PCDHA13: variants seen among roughly 807,000 people sequenced by gnomAD.
PCDHA13 encodes protocadherin alpha 13.
PCDHA13 carries 54 observed loss-of-function variants against 64.8 expected under a neutral mutation model. The observed-to-expected ratio is 0.83, with a 90% CI of 0.67 to 1.04. The LOEUF is 1.04. Ranked by LOEUF, PCDHA13 falls within the 50% of genes least tolerant of loss-of-function variation. PCDHA13 has a pLI of 0.00. For synonymous variants in PCDHA13, 587 were observed against 564.4 expected (o/e 1.04, Z -0.57); for missense variants, 1,248 against 1,254.3 (o/e 0.99, Z 0.08).
chr5:140,918,032 A>G (rs528006913), intron 1 of PCDHA13, among the ~76,000 whole-genome samples: 2 of 152,224 alleles, frequency 1.3e-5, no homozygotes, highest in East Asian at 1.9e-4. Context: ...TGAGCGTGGA[A>G]GGTCTTTCCA....
At chr5:140,936,552 T>C (rs1408956922) in intron 1 of PCDHA13, among the ~76,000 whole-genome samples, 5 of 152,234 alleles carry the variant, frequency 3.3e-5, no homozygotes, top group Admixed American at 3.3e-4. Flanking sequence ...AATGTAGAAG[T>C]CAAGATTTAT....
chr5:140,898,593 C>A (rs1236439193), intron 1 of PCDHA13, among the ~76,000 whole-genome samples: 13 of 152,146 alleles, frequency 8.5e-5, no homozygotes, highest in Admixed American at 1.3e-4. Flanking sequence ...GTTACTGTAG[C>A]CTTGTAGTAT....
intron 1 of PCDHA13, among the ~76,000 whole-genome samples, chr5:140,953,720 G>C (rs2094928996): frequency 6.6e-6 from 1 of 152,068 alleles, no homozygotes; most frequent in African/African-American, 2.4e-5. Flanking sequence ...CAGACATTGT[G>C]TTTTGAAATT....
intron 3 of PCDHA13, among the ~76,000 whole-genome samples, chr5:140,999,978 G>A (rs980753359): frequency 5.9e-5 from 9 of 151,942 alleles, no homozygotes; most frequent in South Asian, 2.1e-4. Flanking sequence ...CAGCTCTAGC[G>A]GCCTCTGGGT....
intron 1 of PCDHA13, chr5:140,928,805 T>C (rs1554206331): frequency 6.2e-7 from 1 of 1,614,162 alleles, no homozygotes. Context: ...GTGGTAGTGG[T>C]TCGGGACCAT....
At position 140,883,551 on chromosome 5, in the gene PCDHA13, G is replaced by T; in HGVS notation, c.1283G>T (p.Arg428Leu). The T allele has an allele frequency of 2.5e-6, 4 of 1,614,234 alleles. No homozygotes were observed. The highest frequency in any genetic ancestry group is 3.4e-6 in the Non-Finnish European group (4 of 1,180,048). Residue 428 changes from arginine to leucine, a missense_variant, in exon 1 of 4, where the codon CGG (arginine) becomes CTG (leucine). Physicochemically the swap from Arg to Leu is moderately radical, Grantham distance 102. Coordinates refer to ENST00000289272, the MANE Select transcript of PCDHA13 (RefSeq NM_018904.3). ...VSAYELVVTA[R>L]DGGSPSLWAT... ...GCCTATGAACTGGTGGTGACCGCGC[G>T]GGACGGGGGCTCGCCTTCGCTGTGG...
At chr5:140,905,182 A>C (rs1283931938) in intron 1 of PCDHA13, among the ~76,000 whole-genome samples, 1 of 152,172 alleles carries the variant, frequency 6.6e-6, no homozygotes. Context: ...TTTAGATTTA[A>C]GTCTTTGATC....
intron 3 of PCDHA13, among the ~76,000 whole-genome samples, chr5:140,988,308 G>A (rs75602297): frequency 6.6e-6 from 1 of 152,298 alleles, no homozygotes; most frequent in East Asian, 1.9e-4. Flanking sequence ...TGCCAGCTTG[G>A]CTTGGCTTTC....
chr5:140,883,519 C>A lies in PCDHA13; in HGVS notation c.1251C>A (p.Ser417Arg). The change falls in exon 1 of 4, where the codon AGC becomes AGA. Residue 417 changes from serine (S) to arginine (R), a missense_variant. Ser to Arg is a moderately radical substitution (Grantham distance 110). Coordinates refer to ENST00000289272, the MANE Select transcript of PCDHA13 (RefSeq NM_018904.3). ...TGGACAGCGCCCTGGACCGCGAGAG[C>A]GTATCAGCCTATGAACTGGTGGTGA... ...LVLDSALDRE[S>R]VSAYELVVTA... is the part of the protein sequence containing the mutation. 1 of 1,614,190 alleles carries A rather than the reference C, an allele frequency of 6.2e-7. No individual in the cohort carries two copies. The highest frequency in any genetic ancestry group is 8.5e-7 in the Non-Finnish European group (1 of 1,180,038).
At chr5:140,911,564 C>A (rs1036102678) in intron 1 of PCDHA13, among the ~76,000 whole-genome samples, 2 of 152,226 alleles carry the variant, frequency 1.3e-5, no homozygotes, top group African/African-American at 4.8e-5. Flanking sequence ...TCTTTCATCA[C>A]TTTGTCCAGT....
chr5:140,969,123 C>G, intron 1 of PCDHA13: 1 of 1,614,172 alleles, frequency 6.2e-7, no homozygotes, highest in Non-Finnish European at 8.5e-7. Flanking sequence ...GGGAATGGCT[C>G]CCTCACCAAG....
chr5:140,887,245 C>T (rs1200820177), intron 1 of PCDHA13, among the ~76,000 whole-genome samples: 2 of 151,924 alleles, frequency 1.3e-5, no homozygotes, highest in East Asian at 1.9e-4. Context: ...TACCGGCGCC[C>T]GCCACCACGC....
At chr5:140,914,710 G>GT (rs1554196543) in intron 1 of PCDHA13, among the ~76,000 whole-genome samples, 1 of 151,256 alleles carries the variant, frequency 6.6e-6, no homozygotes, top group Non-Finnish European at 1.5e-5. Context: ...TTAATTTCTT[G>GT]TTTTTTATTT....
chr5:140,884,168 A>G lies in PCDHA13; in HGVS notation c.1900A>G (p.Thr634Ala), dbSNP rs1562800814. 6.2e-7 allele frequency: 1 copy of G among 1,613,300 alleles called. No individual in the cohort carries two copies. Among genetic ancestry groups the G allele is most frequent in the South Asian group, 1.1e-5 (1 of 91,046 alleles). ...GCTGTACACTGGCGAGATCAGCACG[A>G]CGCGCCCTCTGGACGAGGTGGACGC... Reference protein sequence around the residue: ...VGLYTGEISTTRPLDEVDAPH... With the variant: ...VGLYTGEISTARPLDEVDAPH... Residue 634 changes from threonine (T) to alanine (A), a missense_variant, in exon 1 of 4, where the codon ACG (threonine) becomes GCG (alanine). Coordinates refer to ENST00000289272, the MANE Select transcript of PCDHA13 (RefSeq NM_018904.3).
intron 1 of PCDHA13, among the ~76,000 whole-genome samples, chr5:140,917,832 C>T (rs1554198323): frequency 1.3e-5 from 2 of 151,488 alleles, no homozygotes; most frequent in Admixed American, 6.6e-5. Context: ...AGTGTGATGT[C>T]CTTCTTGTTC....
chr5:140,967,665 C>A, intron 1 of PCDHA13: 1 of 1,614,154 alleles, frequency 6.2e-7, no homozygotes, highest in Non-Finnish European at 8.5e-7. Context: ...AGCAGCTACA[C>A]GTCGGACCGG....
chr5:140,959,382 A>C (rs1332960560), intron 1 of PCDHA13, among the ~76,000 whole-genome samples: 1 of 152,200 alleles, frequency 6.6e-6, no homozygotes, highest in African/African-American at 2.4e-5. Flanking sequence ...TCAAAAAAAA[A>C]AGTCACAAAT....
chr5:140,894,724 C>T (rs1322007306), intron 1 of PCDHA13, among the ~76,000 whole-genome samples: 7 of 151,784 alleles, frequency 4.6e-5, no homozygotes, highest in African/African-American at 9.7e-5. Context: ...TCAAATATTA[C>T]GTAGCAATTT....
At chr5:140,913,348 C>A (rs1233529642) in intron 1 of PCDHA13, among the ~76,000 whole-genome samples, 1 of 152,080 alleles carries the variant, frequency 6.6e-6, no homozygotes, top group East Asian at 1.9e-4. Context: ...TCCATTTCCT[C>A]TAGATTTTTA....
Sources: gnomAD v4.1 joint callset for allele counts (sites outside exome capture counted in the v4.1 genomes callset) on GRCh38, gnomAD v4.1.1 for gene constraint, MANE v1.5 for transcripts, NCBI Gene and HGNC (gene_info 2026-07-23, HGNC 2026-07-21) for gene names.